The following KIF9 variants were observed in gnomAD, a reference collection of about 807,000 sequenced individuals.
KIF9 encodes kinesin family member 9.
In KIF9, 68 loss-of-function variants were observed where a neutral mutation model predicts 94.8. The ratio of observed to expected loss-of-function variants is 0.72; its 90% CI spans 0.59 to 0.88. KIF9 has a LOEUF of 0.88. KIF9 is among the 40% of genes least tolerant of loss of function. The pLI, the probability that KIF9 is intolerant of heterozygous loss-of-function variation, is 0.00. For missense variants in KIF9, 882 were observed against 982.5 expected, an observed-to-expected ratio of 0.90 and a Z score of 1.37; for synonymous variants, 343 against 362.1, an observed-to-expected ratio of 0.95 and a Z score of 0.60.
At position 47,228,459 on chromosome 3, in the gene KIF9, A is replaced by C. The variant is rs1698315753; in HGVS notation, c.*193T>G. On this transcript the variant is annotated 3_prime_UTR_variant, in exon 21 of 21. Coordinates refer to ENST00000684063, the MANE Select transcript of KIF9 (RefSeq NM_182902.4). ...CATATAAGACAGTGAATTAAAACCC[A>C]AAGTGCTCTGTGGAGATGAGCAAGG... The C allele has an allele frequency of 1.6e-6, 1 of 645,076 alleles. No individual in the cohort carries two copies. Among genetic ancestry groups the C allele is most frequent in the Middle Eastern group, 4.4e-4 (1 of 2,266 alleles). The allele number at this position is 645,076 out of a possible 1,614,324, so 40.0% of individuals were successfully genotyped here.
chr3:47,247,194 C>T (rs917728487), intron 12 of KIF9, among the ~76,000 whole-genome samples, 179 bp downstream of exon 12: 1 of 152,222 alleles, frequency 6.6e-6, no homozygotes, highest in Non-Finnish European at 1.5e-5. Context: ...GCTCTAGGGC[C>T]TGTGCTTGTG....
intron 16 of KIF9, among the ~76,000 whole-genome samples, chr3:47,241,727 TTA>T (rs1249978721): frequency 1.6e-4 from 24 of 148,498 alleles, no homozygotes; most frequent in Non-Finnish European, 2.4e-4. Flanking sequence ...ATAAAACATT[TTA>T]TATATGTGTG....
At chr3:47,242,081 C>T (rs1699609264) in intron 16 of KIF9, among the ~76,000 whole-genome samples, 1 of 151,632 alleles carries the variant, frequency 6.6e-6, no homozygotes, top group Admixed American at 6.6e-5. Flanking sequence ...CAGAGTCCCA[C>T]TATGTTGCCC....
chr3:47,281,090 C>T, intron 1 of KIF9: 1 of 699,166 alleles, frequency 1.4e-6, no homozygotes, highest in Non-Finnish European at 2.6e-6. Context: ...CAGGGCAGAG[C>T]CCAGCACAGA....
chr3:47,238,672 G>GT (rs1199098487), intron 17 of KIF9: 1 of 151,516 alleles, frequency 6.6e-6, no homozygotes, highest in East Asian at 1.9e-4. Flanking sequence ...TTTTTTGTTT[G>GT]TTTTTTGAGA....
chr3:47,248,390 C>T (rs962897713), intron 10 of KIF9, among the ~76,000 whole-genome samples: 2 of 152,174 alleles, frequency 1.3e-5, no homozygotes, highest in African/African-American at 4.8e-5. Flanking sequence ...CCCCAGGCTC[C>T]TTCCAGTCTA....
At chr3:47,273,098 C>G (rs1352676601) in intron 4 of KIF9, among the ~76,000 whole-genome samples, 3 of 152,174 alleles carry the variant, frequency 2.0e-5, no homozygotes, top group Non-Finnish European at 4.4e-5. Flanking sequence ...CCTGAAAGCT[C>G]AAGTCATGCC....
At chr3:47,263,006 C>T (rs1161646362) in intron 9 of KIF9, among the ~76,000 whole-genome samples, 2 of 152,254 alleles carry the variant, frequency 1.3e-5, no homozygotes, top group East Asian at 3.9e-4. Flanking sequence ...TCAAGCGATT[C>T]TCCTGTCTCA....
chr3:47,265,936 T>C lies in KIF9; in HGVS notation c.769-59A>G, dbSNP rs183696391. 1.2e-4 allele frequency: 185 copies of C among 1,576,738 alleles called. 2 individuals carry two copies. The South Asian group carries it at 1.4e-3, about 12-fold the overall frequency. On this transcript the variant is annotated intron_variant, in intron 7 of 20. Coordinates refer to ENST00000684063, the MANE Select transcript of KIF9 (RefSeq NM_182902.4). ...AATAAAGCAGCTGCCCCACTAAGAA[T>C]AGCAGTCTTCCTGGTCTGGAGAAAT...
At position 47,275,486 on chromosome 3, in the gene KIF9, A is replaced by G. The variant is rs1701906746; in HGVS notation, c.98T>C (p.Ile33Thr). The G allele has an allele frequency of 1.3e-6, 2 of 1,598,440 alleles. No homozygotes were observed. Among genetic ancestry groups the G allele is most frequent in the African/African-American group, 1.4e-5 (1 of 73,888 alleles). Residue 33 changes from isoleucine to threonine, a missense_variant, in exon 3 of 21, where the codon ATT (isoleucine) becomes ACT (threonine). Transcript: ENST00000684063. ...AATGTCTTTTTTTAAGTGAATATCA[A>G]TGCTCTAGGAAAAAAGAGTGAGAAA... ...MIRYGDDKRS[I>T]DIHLKKDIRR...
chr3:47,241,343 C>CA (rs1490939866), intron 16 of KIF9, among the ~76,000 whole-genome samples: 1 of 149,064 alleles, frequency 6.7e-6, no homozygotes, highest in Non-Finnish European at 1.5e-5. Context: ...TTTCTCGAGA[C>CA]AGAGTTTTGC....
At chr3:47,267,136 G>A (rs201347425) in intron 6 of KIF9, 44 bp downstream of exon 6, 1 of 1,599,406 alleles carries the variant, frequency 6.3e-7, no homozygotes, top group South Asian at 1.1e-5. Context: ...GGCCCCGTGG[G>A]AATTGACTGC....
Position 47,228,716 on chromosome 3 carries a change from G to C in KIF9, c.2323-14C>G. On this transcript the variant is annotated splice_polypyrimidine_tract_variant and intron_variant, in intron 20 of 20. Transcript: ENST00000684063. The stretch of plus-strand genomic sequence containing the variant: ...CAAGTAATTATGCTGGACACAGAGG[G>C]AAGAGAAAACAGGAACTTATTAGGA... The C allele has an allele frequency of 1.2e-6, 2 of 1,612,586 alleles. No homozygotes were observed. The highest frequency in any genetic ancestry group is 1.7e-4 in the Middle Eastern group (1 of 6,058).
chr3:47,274,435 T>C (rs977657591), intron 3 of KIF9, among the ~76,000 whole-genome samples: 1 of 152,228 alleles, frequency 6.6e-6, no homozygotes, highest in African/African-American at 2.4e-5. Flanking sequence ...CCCATGGGCA[T>C]TTACATGGCA....
chr3:47,257,423 A>T (rs1315347362), intron 10 of KIF9, 60 bp downstream of exon 10: 2 of 1,464,918 alleles, frequency 1.4e-6, no homozygotes, highest in African/African-American at 2.8e-5. Context: ...TGTGTGACCC[A>T]AGCAGCAAAC....
At chr3:47,263,717 C>G in intron 9 of KIF9, 1 of 379,092 alleles carries the variant, frequency 2.6e-6, no homozygotes, top group Non-Finnish European at 5.2e-6. Flanking sequence ...CTCTGAAGGT[C>G]TCCTCCCTCT....
In KIF9 at chr3:47,257,572, A is replaced by G. The variant is rs1328822663; in HGVS notation, c.982-12T>C. On this transcript the variant is annotated splice_polypyrimidine_tract_variant and intron_variant, in intron 9 of 20. Transcript: ENST00000684063. ...CTCAGTGAAGATAGCTGCAAAACAG[A>G]GCAGGTAGACATTAGATGGCTCGCC... The G allele has an allele frequency of 6.2e-7, 1 of 1,611,938 alleles. No individual in the cohort carries two copies. Among genetic ancestry groups the G allele is most frequent in the African/African-American group, 1.3e-5 (1 of 74,922 alleles).
At chr3:47,252,875 TGGTGGCA>T (rs1700359657) in intron 10 of KIF9, among the ~76,000 whole-genome samples, 1 of 151,274 alleles carries the variant, frequency 6.6e-6, no homozygotes, top group African/African-American at 2.4e-5. Context: ...TAGCTGGGGG[TGGTGGCA>T]GGTGCCTGTA....
Position 47,235,458 on chromosome 3 carries a change from G to T in KIF9, c.2322+55C>A, listed in dbSNP as rs561373696. The T allele has an allele frequency of 3.3e-6, 4 of 1,201,696 alleles. No homozygotes were observed. In the East Asian group the frequency reaches 7.0e-5, roughly 21 times the overall value. 74.4% of individuals were successfully genotyped at this position (1,201,696 alleles called of 1,614,324 possible). A position where few individuals can be genotyped will look rare whatever the true frequency, so the allele number is the denominator to read the frequency against. ...CTCTAAAGTAGGGAATATGATCCTG[G>T]GTTTCCTAGTCACTGAGGCCCCCAT... On this transcript the variant is annotated intron_variant, in intron 20 of 20. Transcript: ENST00000684063.
Sources: allele counts gnomAD v4.1 joint callset (sites outside exome capture counted in the v4.1 genomes callset), GRCh38; gene constraint gnomAD v4.1.1; transcripts MANE v1.5; gene names NCBI Gene and HGNC (gene_info 2026-07-23, HGNC 2026-07-21).